Variants in ZNF292 observed in about 807,000 individuals in gnomAD.
ZNF292 encodes zinc finger protein 292.
In ZNF292, 26 loss-of-function variants were observed where a neutral mutation model predicts 217.9. The ratio of observed to expected loss-of-function variants is 0.12; its 90% confidence interval spans 0.09 to 0.17. The LOEUF is 0.17. Ranked by LOEUF, ZNF292 falls within the 10% of genes least tolerant of loss-of-function variation. The probability of loss-of-function intolerance (pLI) is 1.00; values close to 1 mark genes in which losing one functional copy is unlikely to be tolerated. For synonymous variants in ZNF292, 1,257 were observed against 1,124.1 expected (o/e 1.12, Z -2.37); for missense variants, 2,904 against 3,175.2 (o/e 0.91, Z 2.05).
At chr6:87,204,408 G>T in intron 1 of ZNF292, among the ~76,000 whole-genome samples, 1 of 152,096 alleles carries the variant, frequency 6.6e-6, no homozygotes. Flanking sequence ...AGGTAGTGAG[G>T]CATTAGGTTG....
intron 1 of ZNF292, among the ~76,000 whole-genome samples, chr6:87,198,459 C>T (rs938331815): frequency 2.0e-5 from 3 of 152,176 alleles, no homozygotes; most frequent in African/African-American, 7.2e-5. Context: ...CCGCCTGGGC[C>T]TCCCAAAGTG....
Position 87,155,620 on chromosome 6 carries a change from G to A in ZNF292, c.29G>A (p.Arg10Lys). 1 of 1,583,916 alleles carries A rather than the reference G, an allele frequency of 6.3e-7. No homozygotes were observed. The highest frequency in any genetic ancestry group is 8.6e-7 in the Non-Finnish European group (1 of 1,166,174). Residue 10 changes from arginine to lysine, a missense_variant, in exon 1 of 8, where the codon AGG becomes AAG. Arg to Lys is a conservative substitution (Grantham distance 26). This residue lies in a region of ZNF292 where 66 missense variants were observed against 44.1 expected (regional missense o/e 1.50). Transcript: ENST00000369577. MADEEAEQE[R>K]LSCGEGGCVA... Reference sequence around the variant, plus strand: ...GCGGACGAAGAGGCCGAGCAGGAGAGGTTGAGTTGCGGCGAAGGCGGCTGC... The same window carrying A: ...GCGGACGAAGAGGCCGAGCAGGAGAAGTTGAGTTGCGGCGAAGGCGGCTGC...
chr6:87,160,619 T>C (rs1770709454), intron 1 of ZNF292, among the ~76,000 whole-genome samples: 1 of 151,712 alleles, frequency 6.6e-6, no homozygotes. Context: ...ATACGATGTG[T>C]GTGTGTATAC....
intron 1 of ZNF292, among the ~76,000 whole-genome samples, chr6:87,186,952 G>A (rs1162234300): frequency 2.0e-5 from 3 of 152,156 alleles, no homozygotes; most frequent in African/African-American, 2.4e-5. Context: ...GGGTTCATGG[G>A]ATAAATGAGG....
rs759651642 is a variant in ZNF292 at position 87,256,810 on chromosome 6, T to A, written c.3181T>A (p.Tyr1061Asn). The A allele has an allele frequency of 1.2e-6, 2 of 1,613,564 alleles. No individual in the cohort carries two copies. Among genetic ancestry groups the A allele is most frequent in the South Asian group, 2.2e-5 (2 of 91,082 alleles). ...GDNVKTSSNL[Y>N]NLPLKTLESI... ...TAATGTTAAAACATCATCCAATCTT[T>A]ATAATTTACCTCTTAAGACATTAGA... is the stretch of plus-strand genomic sequence containing the variant. The change falls in exon 8 of 8, where the codon TAT becomes AAT. Residue 1061 changes from tyrosine to asparagine, a missense_variant. Physicochemically the swap from Tyr to Asn is moderately radical, Grantham distance 143. This residue lies in a region of ZNF292 where 687 missense variants were observed against 623.0 expected (regional missense o/e 1.10). Coordinates refer to ENST00000369577, the MANE Select transcript of ZNF292 (RefSeq NM_015021.3).
At chr6:87,245,305 T>C (rs1312498315) in intron 6 of ZNF292, among the ~76,000 whole-genome samples, 198 bp from the exon 7 acceptor site, 1 of 152,174 alleles carries the variant, frequency 6.6e-6, no homozygotes, top group African/African-American at 2.4e-5. Context: ...AAATATTAAT[T>C]AATAAAATGA....
intron 1 of ZNF292, among the ~76,000 whole-genome samples, chr6:87,156,296 A>G (rs2127766355): frequency 6.6e-6 from 1 of 152,188 alleles, no homozygotes; most frequent in East Asian, 1.9e-4. Flanking sequence ...TTAGGACTGA[A>G]GGGGCCTTTG....
chr6:87,224,886 A>G (rs534307133), intron 4 of ZNF292, among the ~76,000 whole-genome samples: 6 of 152,136 alleles, frequency 3.9e-5, no homozygotes, highest in East Asian at 1.9e-4. Flanking sequence ...GTGAAAATAC[A>G]TGGGAGTATG....
chr6:87,171,223 C>G (rs904183025), intron 1 of ZNF292, among the ~76,000 whole-genome samples: 1 of 152,050 alleles, frequency 6.6e-6, no homozygotes, highest in Admixed American at 6.5e-5. Flanking sequence ...AGATTAGTGG[C>G]TTTATAGTTG....
At chr6:87,231,383 C>T (rs6932641) in intron 4 of ZNF292, among the ~76,000 whole-genome samples, 56,958 of 152,010 alleles carry the variant, frequency 0.37, 11,167 homozygotes, top group Admixed American at 0.52. Flanking sequence ...TCAGAAGACT[C>T]ATTCTACTCC....
At chr6:87,184,954 G>C (rs1182018559) in intron 1 of ZNF292, among the ~76,000 whole-genome samples, 1 of 152,174 alleles carries the variant, frequency 6.6e-6, no homozygotes, top group Non-Finnish European at 1.5e-5. Context: ...CTGGCCAATT[G>C]ATGGTGCCAC....
intron 1 of ZNF292, among the ~76,000 whole-genome samples, chr6:87,205,355 T>A (rs1772218148): frequency 6.6e-6 from 1 of 152,088 alleles, no homozygotes; most frequent in Non-Finnish European, 1.5e-5. Flanking sequence ...ATTACAGACA[T>A]AAGCCACCAT....
intron 7 of ZNF292, among the ~76,000 whole-genome samples, chr6:87,253,220 C>CTT (rs66511840): frequency 7.3e-4 from 87 of 118,944 alleles, no homozygotes; most frequent in Non-Finnish European, 1.0e-3. Flanking sequence ...CATGCCCAGC[C>CTT]TTTTTTTTTT....
intron 1 of ZNF292, among the ~76,000 whole-genome samples, chr6:87,201,949 A>G (rs1772109722): frequency 6.6e-6 from 1 of 152,236 alleles, no homozygotes; most frequent in South Asian, 2.1e-4. Context: ...TGTCTATAAC[A>G]AAATCACACT....
chr6:87,260,924 A>G lies in ZNF292; in HGVS notation c.7295A>G (p.Asn2432Ser). The change falls in exon 8 of 8, where the codon AAC becomes AGC. Residue 2432 changes from asparagine (N) to serine (S), a missense_variant. This residue lies in a region of ZNF292 where 380 missense variants were observed against 355.3 expected (regional missense o/e 1.07). Coordinates refer to ENST00000369577, the MANE Select transcript of ZNF292 (RefSeq NM_015021.3). ...NLLIVFKRCC[N>S]SQVKETSEQE... ...CTTATTGTATTCAAACGGTGTTGCA[A>G]CTCACAAGTAAAGGAAACGTCTGAG... The G allele has an allele frequency of 1.9e-6, 3 of 1,611,122 alleles. No homozygotes were observed. The highest frequency in any genetic ancestry group is 2.5e-6 in the Non-Finnish European group (3 of 1,178,476).
chr6:87,226,622 A>C (rs1773355347), intron 4 of ZNF292, among the ~76,000 whole-genome samples: 2 of 147,418 alleles, frequency 1.4e-5, no homozygotes, highest in South Asian at 4.2e-4. Flanking sequence ...ATTATTTTTT[A>C]GTGTGTGTAT....
chr6:87,201,448 A>C (rs964227824), intron 1 of ZNF292, among the ~76,000 whole-genome samples: 28 of 152,170 alleles, frequency 1.8e-4, no homozygotes, highest in Admixed American at 1.6e-3. Context: ...CTTGTTGCCC[A>C]GGCTGGAGTG....
At chr6:87,182,333 C>T (rs1002323193) in intron 1 of ZNF292, among the ~76,000 whole-genome samples, 5 of 152,130 alleles carry the variant, frequency 3.3e-5, no homozygotes, top group African/African-American at 1.2e-4. Context: ...GAGAACTTTT[C>T]AATTCTATTA....
chr6:87,264,447 A>G lies in ZNF292; in HGVS notation c.*2646A>G, dbSNP rs1043274959. ...AGACATATTTTTAAGGCAAATTTTT[A>G]TCAAGTGAGCAGTCACAGTTGCTGT... On this transcript the variant is annotated 3_prime_UTR_variant, in exon 8 of 8. Coordinates refer to ENST00000369577, the MANE Select transcript of ZNF292 (RefSeq NM_015021.3). Among the ~76,000 whole-genome samples, 4 of 152,240 alleles carry G rather than the reference A, an allele frequency of 2.6e-5. No individual in the cohort carries two copies. Among genetic ancestry groups the G allele is most frequent in the Non-Finnish European group, 4.4e-5 (3 of 68,036 alleles).
Sources: gnomAD v4.1 joint callset for allele counts (sites outside exome capture counted in the v4.1 genomes callset) on GRCh38, gnomAD v4.1.1 for gene constraint, gnomAD v4.1.1 regional missense constraint, MANE v1.5 for transcripts, NCBI Gene and HGNC (gene_info 2026-07-23, HGNC 2026-07-21) for gene names.